SKIL: variants seen among roughly 807,000 people sequenced by gnomAD.
SKIL encodes SKI like proto-oncogene.
Under a neutral mutation model 69.6 loss-of-function variants are expected in SKIL, and 20 were observed. That is an observed-to-expected ratio of 0.29 (90% CI 0.20 to 0.42). The LOEUF is 0.42. SKIL is among the 10% of genes least tolerant of loss of function. The pLI is 1.00. For missense variants in SKIL, 745 were observed against 783.1 expected (o/e 0.95, Z 0.58); for synonymous variants, 310 against 279.9 (o/e 1.11, Z -1.08).
At chr3:170,390,963 T>C in intron 5 of SKIL, 73 bp from the exon 6 acceptor site, 1 of 755,406 alleles carries the variant, frequency 1.3e-6, no homozygotes, top group East Asian at 2.5e-5. Context: ...TTCTGTGCTA[T>C]GTTTTCCAGA....
At chr3:170,388,669 A>G (rs1274787910) in intron 4 of SKIL, among the ~76,000 whole-genome samples, 2 of 152,096 alleles carry the variant, frequency 1.3e-5, no homozygotes, top group Admixed American at 6.6e-5. Context: ...AGCTTAAGCA[A>G]TCCACCTGCC....
chr3:170,384,722 G>T lies in SKIL; in HGVS notation c.1386G>T (p.Glu462Asp). 1 of 1,609,146 alleles carries T rather than the reference G, an allele frequency of 6.2e-7. No individual in the cohort carries two copies. The highest frequency in any genetic ancestry group is 8.5e-7 in the Non-Finnish European group (1 of 1,176,716). ...SYPDVSLEEQ[E>D]KMDLKTSREL... ...CAGATGTCTCACTTGAGGAACAGGA[G>T]AAAATGGATTTAAAAACAAGTAGAG... is the stretch of plus-strand genomic sequence containing the variant. Residue 462 changes from glutamate to aspartate, a missense_variant, in exon 4 of 7, where the codon GAG becomes GAT. Transcript: ENST00000259119.
Position 170,390,659 on chromosome 3 carries a change from G to A in SKIL, c.1671+195G>A, listed in dbSNP as rs1488823514. ...GTGCCACCATGCCTGGCTAAATTTT[G>A]TATTCTTAGTAGAGATGGGGTTTCT... On this transcript the variant is annotated intron_variant, in intron 5 of 6. Coordinates refer to ENST00000259119, the MANE Select transcript of SKIL (RefSeq NM_005414.5). Among the ~76,000 whole-genome samples the A allele has an allele frequency of 6.6e-5, 10 of 152,040 alleles. 1 individual carries two copies. The highest frequency in any genetic ancestry group is 6.6e-4 in the Admixed American group (10 of 15,246).
rs149431020 is a variant in SKIL at position 170,389,259 on chromosome 3, A to G, written c.1430-964A>G. Among the ~76,000 whole-genome samples, 8 of 151,422 alleles carry G rather than the reference A, an allele frequency of 5.3e-5. No homozygotes were observed. The East Asian group carries it at 1.4e-3, about 26-fold the overall frequency. On this transcript the variant is annotated intron_variant, in intron 4 of 6. Transcript: ENST00000259119. ...ATTTTTGTATACAGCATAAGGTCCA[A>G]CCTTATTCTTTTGCATGTGGATATA...
intron 2 of SKIL, among the ~76,000 whole-genome samples, chr3:170,363,047 T>G (rs892220709): frequency 1.3e-5 from 2 of 152,026 alleles, no homozygotes; most frequent in Non-Finnish European, 2.9e-5. Context: ...GTTTAAAATG[T>G]GGCAAACATT....
At chr3:170,366,469 C>T (rs1373745072) in intron 2 of SKIL, among the ~76,000 whole-genome samples, 1 of 151,948 alleles carries the variant, frequency 6.6e-6, no homozygotes, top group East Asian at 1.9e-4. Flanking sequence ...CACCTGAGGT[C>T]AGGGGTTCGG....
chr3:170,396,223 A>AT lies in SKIL; in HGVS notation c.*3813dup, dbSNP rs1430896225. ...GTTTAATGTAAAAGGAATTTATAAG[A>AT]TTTTTTTCCTCAATATAGATACCTC... On this transcript the variant is annotated 3_prime_UTR_variant, in exon 7 of 7. Transcript: ENST00000259119. 1 of 152,174 alleles carries AT rather than the reference A, an allele frequency of 6.6e-6. No individual in the cohort carries two copies. The highest frequency in any genetic ancestry group is 6.5e-5 in the Admixed American group (1 of 15,292). 9.4% of individuals were successfully genotyped at this position (152,174 alleles called of 1,614,324 possible).
At chr3:170,389,918 G>A (rs1316124449) in intron 4 of SKIL, among the ~76,000 whole-genome samples, 1 of 152,176 alleles carries the variant, frequency 6.6e-6, no homozygotes, top group Non-Finnish European at 1.5e-5. Flanking sequence ...ATCCAGTGGG[G>A]ATTTTGATAG....
intron 2 of SKIL, among the ~76,000 whole-genome samples, chr3:170,376,487 A>T (rs1737040406): frequency 6.6e-6 from 1 of 152,204 alleles, no homozygotes. Context: ...TTTTTAAAAA[A>T]CTGTTTTCAT....
chr3:170,389,122 C>T (rs1254442220), intron 4 of SKIL, among the ~76,000 whole-genome samples: 1 of 152,110 alleles, frequency 6.6e-6, no homozygotes, highest in African/African-American at 2.4e-5. Flanking sequence ...ATCCACCTGC[C>T]TCGGCCTCCC....
chr3:170,386,429 C>A (rs147769304), intron 4 of SKIL, among the ~76,000 whole-genome samples: 4 of 152,138 alleles, frequency 2.6e-5, no homozygotes, highest in Non-Finnish European at 5.9e-5. Context: ...CGCGCCCGGC[C>A]AGGGGTTTTC....
chr3:170,363,212 A>G (rs1183197044), intron 2 of SKIL, among the ~76,000 whole-genome samples: 1 of 152,226 alleles, frequency 6.6e-6, no homozygotes, highest in African/African-American at 2.4e-5. Flanking sequence ...AATAAAGCAT[A>G]TTAAATGACT....
intron 2 of SKIL, among the ~76,000 whole-genome samples, chr3:170,369,591 G>T (rs891357563): frequency 3.9e-5 from 6 of 152,092 alleles, no homozygotes; most frequent in Non-Finnish European, 7.4e-5. Context: ...TTGTAGAGAT[G>T]TGGTTTCACC....
intron 2 of SKIL, among the ~76,000 whole-genome samples, chr3:170,365,793 GC>G (rs527995844): frequency 0.011 from 1,296 of 118,334 alleles, 5 homozygotes; most frequent in Middle Eastern, 0.037. Flanking sequence ...TTTCGCTCTT[GC>G]GCCCAGGCTG....
chr3:170,363,499 T>G (rs1289558210), intron 2 of SKIL, among the ~76,000 whole-genome samples: 1 of 152,172 alleles, frequency 6.6e-6, no homozygotes, highest in Non-Finnish European at 1.5e-5. Context: ...ATTTTTTTTT[T>G]TTTGAGACAG....
intron 2 of SKIL, among the ~76,000 whole-genome samples, chr3:170,371,147 T>G (rs1422295559): frequency 6.6e-6 from 1 of 152,200 alleles, no homozygotes; most frequent in African/African-American, 2.4e-5. Context: ...TTTATTCATT[T>G]GCGTATGTAA....
Position 170,392,549 on chromosome 3 carries a change from G to A in SKIL, c.*132G>A, listed in dbSNP as rs565538967. On this transcript the variant is annotated 3_prime_UTR_variant, in exon 7 of 7. Transcript: ENST00000259119. ...GCATTCTATCCATTTGTAGATCAGA[G>A]AAAGTGAAGAGATTATATATTAGTA... 55 of 515,922 alleles carry A rather than the reference G, an allele frequency of 1.1e-4. 1 individual carries two copies. The highest frequency in any genetic ancestry group is 9.8e-4 in the Middle Eastern group (2 of 2,032). 32.0% of individuals were successfully genotyped at this position (515,922 alleles called of 1,614,324 possible). A position where few individuals can be genotyped will look rare whatever the true frequency, so the allele number is the denominator to read the frequency against.
At position 170,361,357 on chromosome 3, in the gene SKIL, G is replaced by C; in HGVS notation, c.1026G>C (p.Lys342Asn). ...NQKYLGTPEE[K>N]KLKIILEEMK... ...AATACTTAGGAACACCTGAAGAAAAGAAACTGAAGATAATTTTAGAAGAAA... is the reference window on the plus strand; with the variant it reads ...AATACTTAGGAACACCTGAAGAAAACAAACTGAAGATAATTTTAGAAGAAA... The change falls in exon 2 of 7, where the codon AAG becomes AAC. Residue 342 changes from lysine to asparagine, a missense_variant. By Grantham distance (94) the Lys-to-Asn change is moderately conservative. Transcript: ENST00000259119. The C allele has an allele frequency of 6.2e-7, 1 of 1,609,162 alleles. No individual in the cohort carries two copies.
At chr3:170,365,752 C>CTTTTTTTGTTTTTTTTTTTTTTTTT (rs1736468717) in intron 2 of SKIL, among the ~76,000 whole-genome samples, 1 of 106,498 alleles carries the variant, frequency 9.4e-6, no homozygotes, top group African/African-American at 4.0e-5. Context: ...TCAAACTAGG[C>CTTTTTTTGTTTTTTTTTTTTTTTTT]TTTTTTTTTT....
Sources: gnomAD v4.1 joint callset for allele counts (sites outside exome capture counted in the v4.1 genomes callset) on GRCh38, gnomAD v4.1.1 for gene constraint, MANE v1.5 for transcripts, NCBI Gene and HGNC (gene_info 2026-07-23, HGNC 2026-07-21) for gene names.